COP1: variants seen among roughly 807,000 people sequenced by gnomAD.
The protein encoded by COP1 is E3 ubiquitin-protein ligase COP1.
A neutral mutation model predicts 101.3 loss-of-function variants in COP1; 24 were observed. That is an observed-to-expected ratio of 0.24 (90% CI 0.17 to 0.33). COP1 has a LOEUF of 0.33. COP1 is among the 10% of genes least tolerant of loss of function. The pLI, the probability that COP1 is intolerant of heterozygous loss-of-function variation, is 1.00. For synonymous variants in COP1, 347 were observed against 341.9 expected (o/e 1.01, Z -0.17); for missense variants, 663 against 906.2 (o/e 0.73, Z 3.45).
At chr1:175,960,327 C>T (rs768452254) in intron 18 of COP1, among the ~76,000 whole-genome samples, 2 of 152,190 alleles carry the variant, frequency 1.3e-5, no homozygotes, top group Non-Finnish European at 2.9e-5. Flanking sequence ...ATCTCAGTCT[C>T]CATAACTATA....
intron 8 of COP1, among the ~76,000 whole-genome samples, chr1:176,134,774 A>G (rs1689524459): frequency 6.6e-6 from 1 of 152,054 alleles, no homozygotes; most frequent in South Asian, 2.1e-4. Context: ...AATTCATCAA[A>G]CTTTTAATCC....
intron 14 of COP1, among the ~76,000 whole-genome samples, chr1:176,035,156 G>T (rs1460290872): frequency 6.6e-6 from 1 of 151,982 alleles, no homozygotes; most frequent in African/African-American, 2.4e-5. Context: ...AAATGAAACA[G>T]ATTTTAAAGC....
chr1:176,169,183 A>C (rs1244312648), intron 3 of COP1, among the ~76,000 whole-genome samples: 1 of 152,242 alleles, frequency 6.6e-6, no homozygotes, highest in Non-Finnish European at 1.5e-5. Flanking sequence ...AAAATTACAC[A>C]AAGGAAATGG....
At chr1:176,148,059 ATCT>A (rs35554830) in intron 6 of COP1, among the ~76,000 whole-genome samples, 1,782 of 152,214 alleles carry the variant, frequency 0.012, 23 homozygotes, top group Middle Eastern at 0.031. Flanking sequence ...ATGACTGGAC[ATCT>A]TCTTCTTTCC....
chr1:176,181,540 G>C (rs936392299), intron 2 of COP1, among the ~76,000 whole-genome samples: 3 of 151,994 alleles, frequency 2.0e-5, no homozygotes, highest in Non-Finnish European at 4.4e-5. Flanking sequence ...CTCTCCAGTG[G>C]GTATCTTAAA....
At chr1:176,197,865 T>A (rs1466709067) in intron 1 of COP1, among the ~76,000 whole-genome samples, 1 of 152,154 alleles carries the variant, frequency 6.6e-6, no homozygotes, top group African/African-American at 2.4e-5. Flanking sequence ...ATTTACATAC[T>A]AGCAACAATT....
At position 176,194,304 on chromosome 1, in the gene COP1, T is replaced by C. The variant is rs187322715; in HGVS notation, c.408-9612A>G. On this transcript the variant is annotated intron_variant, in intron 1 of 19. Coordinates refer to ENST00000367669, the MANE Select transcript of COP1 (RefSeq NM_022457.7). ...AGTACACACAAAACCAAGCACATCA[T>C]AATTATGTTAAAATGTAAACAGTCC... Among the ~76,000 whole-genome samples the C allele has an allele frequency of 5.3e-4, 81 of 152,148 alleles. 1 individual carries two copies. The highest frequency in any genetic ancestry group is 3.9e-3 in the East Asian group (20 of 5,158).
At chr1:176,200,760 C>T (rs1237099476) in intron 1 of COP1, among the ~76,000 whole-genome samples, 1 of 151,984 alleles carries the variant, frequency 6.6e-6, no homozygotes, top group Non-Finnish European at 1.5e-5. Flanking sequence ...CTGAATAGAA[C>T]TTGGCTCATA....
At chr1:176,169,840 G>A (rs766590585) in intron 3 of COP1, among the ~76,000 whole-genome samples, 5 of 152,310 alleles carry the variant, frequency 3.3e-5, no homozygotes, top group Non-Finnish European at 7.4e-5. Flanking sequence ...AGCCTGCAAT[G>A]TTACATGATA....
intron 8 of COP1, among the ~76,000 whole-genome samples, chr1:176,130,649 C>CTTAATGTTAATTATGTATATG (rs1374405043): frequency 6.6e-6 from 1 of 151,622 alleles, no homozygotes; most frequent in Non-Finnish European, 1.5e-5. Context: ...ATTAAGTATA[C>CTTAATGTTAATTATGTATATG]TACATGTGAT....
At chr1:176,202,191 T>A (rs796443359) in intron 1 of COP1, among the ~76,000 whole-genome samples, 2 of 148,604 alleles carry the variant, frequency 1.3e-5, no homozygotes, top group African/African-American at 5.0e-5. Context: ...TTCACTTTTT[T>A]TTTTTTTTTT....
Position 176,043,186 on chromosome 1 carries a change from CT to C in COP1, c.1611del (p.Val538Ter). 1 of 1,598,686 alleles carries C rather than the reference CT, an allele frequency of 6.3e-7. No individual in the cohort carries two copies. Among genetic ancestry groups the C allele is most frequent in the Non-Finnish European group, 8.6e-7 (1 of 1,166,108 alleles). ...KLLASGSDDA[K>X]VKLWSTNLDN... ...GCTGAGAAAGAGATTCAAACAGTAC[CT>C]TTTGCATCATCAGAACCTGAAGCCA... On this transcript the variant is annotated frameshift_variant and splice_region_variant, in exon 14 of 20. Transcript: ENST00000367669. LOFTEE classifies it high-confidence loss of function.
chr1:176,058,467 T>A (rs1247034458), intron 11 of COP1, among the ~76,000 whole-genome samples: 1 of 152,124 alleles, frequency 6.6e-6, no homozygotes, highest in African/African-American at 2.4e-5. Flanking sequence ...CCCCCAACCC[T>A]GTGCTCTCTG....
chr1:176,145,046 T>C (rs1313384330), intron 6 of COP1, among the ~76,000 whole-genome samples: 1 of 152,064 alleles, frequency 6.6e-6, no homozygotes, highest in Non-Finnish European at 1.5e-5. Flanking sequence ...GGTCATCAAA[T>C]GACACCATTA....
At chr1:176,055,553 T>C (rs1018481749) in intron 11 of COP1, among the ~76,000 whole-genome samples, 1 of 152,200 alleles carries the variant, frequency 6.6e-6, no homozygotes, top group African/African-American at 2.4e-5. Flanking sequence ...TGACTTTCAA[T>C]CTATATAGTA....
intron 9 of COP1, among the ~76,000 whole-genome samples, chr1:176,093,559 G>A (rs778086949): frequency 6.6e-6 from 1 of 152,086 alleles, no homozygotes; most frequent in Non-Finnish European, 1.5e-5. Context: ...AAAATTAGTG[G>A]CCAGGTGCGG....
At chr1:175,964,200 C>T (rs1181002842) in intron 18 of COP1, among the ~76,000 whole-genome samples, 1 of 152,116 alleles carries the variant, frequency 6.6e-6, no homozygotes, top group Non-Finnish European at 1.5e-5. Context: ...GCAAACCTGG[C>T]AACTTGGCTC....
intron 15 of COP1, among the ~76,000 whole-genome samples, chr1:176,021,950 C>T (rs1165233544): frequency 6.6e-6 from 1 of 152,202 alleles, no homozygotes; most frequent in African/African-American, 2.4e-5. Context: ...TTCGTGTTCA[C>T]ATCTTTATTA....
intron 5 of COP1, among the ~76,000 whole-genome samples, chr1:176,150,316 T>C (rs1692214716): frequency 6.6e-6 from 1 of 152,216 alleles, no homozygotes; most frequent in Non-Finnish European, 1.5e-5. Context: ...CACAACAGGA[T>C]AGTCCAATTA....
Sources: gnomAD v4.1 joint callset for allele counts (sites outside exome capture counted in the v4.1 genomes callset) on GRCh38, gnomAD v4.1.1 for gene constraint, MANE v1.5 for transcripts, NCBI Gene and HGNC (gene_info 2026-07-23, HGNC 2026-07-21) for gene names.